Variants in PHACTR1 observed in about 807,000 individuals in gnomAD.
The protein encoded by PHACTR1 is RPEL repeat containing 1.
PHACTR1 carries 16 observed loss-of-function variants against 69.2 expected under a neutral mutation model. The observed-to-expected ratio is 0.23, with a 90% confidence interval of 0.16 to 0.35. The LOEUF is 0.35. Among genes scored for constraint, PHACTR1 ranks in the 10% least tolerant of loss-of-function variants. PHACTR1 has a pLI of 1.00. For synonymous variants in PHACTR1, 312 were observed against 284.5 expected (o/e 1.10, Z -0.97); for missense variants, 510 against 734.7 (o/e 0.69, Z 3.54).
At chr6:13,200,790 A>C (rs116384307) in intron 7 of PHACTR1, among the ~76,000 whole-genome samples, 4,293 of 151,702 alleles carry the variant, frequency 0.028, 211 homozygotes, top group African/African-American at 0.096. Flanking sequence ...AAAAAAAAAA[A>C]ATTAGCCAGG....
At chr6:12,740,595 C>A (rs1213075940) in intron 3 of PHACTR1, among the ~76,000 whole-genome samples, 1 of 152,016 alleles carries the variant, frequency 6.6e-6, no homozygotes. Context: ...GTTGAGCTAT[C>A]TTTTTGTTGC....
chr6:13,045,810 C>T (rs1804929516), intron 4 of PHACTR1, among the ~76,000 whole-genome samples: 1 of 152,204 alleles, frequency 6.6e-6, no homozygotes, highest in African/African-American at 2.4e-5. Context: ...ATGATGAAAG[C>T]ATCCCTAGGA....
At chr6:12,835,964 C>CAGGGAAGAAGAGAGAAAGA in intron 4 of PHACTR1, among the ~76,000 whole-genome samples, 1 of 151,442 alleles carries the variant, frequency 6.6e-6, no homozygotes, top group Non-Finnish European at 1.5e-5. Flanking sequence ...TTTTTTGAAA[C>CAGGGAAGAAGAGAGAAAGA]AAAAATAAAA....
rs184585588 is a variant in PHACTR1, at chr6:12,858,087, A to G, written c.250+108297A>G. Among the ~76,000 whole-genome samples, 141 of 152,324 alleles carry G rather than the reference A, an allele frequency of 9.3e-4. 1 individual carries two copies. Among genetic ancestry groups the G allele is most frequent in the Middle Eastern group, 6.8e-3 (2 of 294 alleles). On this transcript the variant is annotated intron_variant, in intron 4 of 14. Transcript: ENST00000332995. ...AACAGATATGCAATCTCCCTGCAACATGAAAGTTAAAATAATGTAAATTGC... is the reference window on the plus strand; with the variant it reads ...AACAGATATGCAATCTCCCTGCAACGTGAAAGTTAAAATAATGTAAATTGC...
intron 5 of PHACTR1, among the ~76,000 whole-genome samples, chr6:13,122,843 T>C (rs1259246255): frequency 1.3e-5 from 2 of 152,208 alleles, no homozygotes; most frequent in African/African-American, 2.4e-5. Flanking sequence ...AGTCACTGTC[T>C]TTAGTTCTTT....
chr6:13,071,485 T>G (rs1013688244), intron 5 of PHACTR1, among the ~76,000 whole-genome samples: 1 of 151,672 alleles, frequency 6.6e-6, no homozygotes, highest in Non-Finnish European at 1.5e-5. Context: ...CTGACCTGAG[T>G]TAGGAGGATG....
At chr6:12,915,152 C>CCA (rs898661270) in intron 4 of PHACTR1, among the ~76,000 whole-genome samples, 1 of 151,684 alleles carries the variant, frequency 6.6e-6, no homozygotes, top group Non-Finnish European at 1.5e-5. Flanking sequence ...CTTTGGATGT[C>CCA]CACACACACA....
rs137975176 is a variant in PHACTR1 at position 12,988,280 on chromosome 6, A to G, written c.251-65085A>G. Among the ~76,000 whole-genome samples the G allele has an allele frequency of 2.6e-5, 4 of 152,380 alleles. No individual in the cohort carries two copies. The East Asian group carries it at 7.7e-4, about 29-fold the overall frequency. ...AGCAATTACAAGTTAAATAGTCTTC[A>G]TCCAGACTGATTGCTGGAGCTGACC... is the stretch of plus-strand genomic sequence containing the variant. On this transcript the variant is annotated intron_variant, in intron 4 of 14. Transcript: ENST00000332995.
At chr6:12,954,461 G>A (rs1791645601) in intron 4 of PHACTR1, among the ~76,000 whole-genome samples, 1 of 151,914 alleles carries the variant, frequency 6.6e-6, no homozygotes, top group Non-Finnish European at 1.5e-5. Flanking sequence ...GATAGTTTGG[G>A]TACTGGCTGA....
At chr6:13,016,771 G>A (rs1800237340) in intron 4 of PHACTR1, among the ~76,000 whole-genome samples, 1 of 152,044 alleles carries the variant, frequency 6.6e-6, no homozygotes, top group Non-Finnish European at 1.5e-5. Context: ...GTTTCCTTCC[G>A]TCTTTGCTGT....
At position 12,959,196 on chromosome 6, in the gene PHACTR1, GAAAAGAAAAAA is replaced by G. The variant is rs1304305030; in HGVS notation, c.251-94159_251-94149del. 1.8e-4 allele frequency among the ~76,000 whole-genome samples: 14 copies of G among 77,854 alleles called. 1 individual carries two copies. The highest frequency in any genetic ancestry group is 4.5e-4 in the African/African-American group (8 of 17,628). The allele number at this position is 77,854 out of a possible 152,430, so 51.1% of individuals were successfully genotyped here. On this transcript the variant is annotated intron_variant, in intron 4 of 14. Coordinates refer to ENST00000332995, the MANE Select transcript of PHACTR1 (RefSeq NM_030948.6). ...TATCTCAAAAAAAAAAAAAAAAAAA[GAAAAGAAAAAA>G]AAAAGAAAAGAAAACAGAAACAACT... is the stretch of plus-strand genomic sequence containing the variant.
chr6:13,193,411 C>T (rs902109572), intron 7 of PHACTR1, among the ~76,000 whole-genome samples: 1 of 106,354 alleles, frequency 9.4e-6, no homozygotes, highest in South Asian at 2.7e-4. Flanking sequence ...TGTTGAGATG[C>T]GGTCTCACTA....
At chr6:13,002,775 A>T (rs1032382421) in intron 4 of PHACTR1, among the ~76,000 whole-genome samples, 1 of 152,202 alleles carries the variant, frequency 6.6e-6, no homozygotes, top group Non-Finnish European at 1.5e-5. Context: ...TGAATATGCA[A>T]ATATGATAAT....
intron 5 of PHACTR1, among the ~76,000 whole-genome samples, chr6:13,105,425 C>A (rs971202679): frequency 2.6e-5 from 4 of 151,982 alleles, no homozygotes; most frequent in African/African-American, 9.7e-5. Context: ...GGAAGTATGC[C>A]TATTAAATGG....
chr6:12,858,657 A>C (rs532037106), intron 4 of PHACTR1, among the ~76,000 whole-genome samples: 7 of 152,066 alleles, frequency 4.6e-5, no homozygotes, highest in East Asian at 1.9e-4. Flanking sequence ...ATTGCAGGAC[A>C]TGGTGGTGTG....
At chr6:13,254,444 A>C (rs970219503) in intron 10 of PHACTR1, among the ~76,000 whole-genome samples, 6 of 152,242 alleles carry the variant, frequency 3.9e-5, no homozygotes, top group African/African-American at 1.4e-4. Context: ...TGCAAAGGTC[A>C]TCTAATCTGA....
At chr6:13,271,008 T>C (rs1281973124) in intron 10 of PHACTR1, among the ~76,000 whole-genome samples, 1 of 142,314 alleles carries the variant, frequency 7.0e-6, no homozygotes, top group African/African-American at 2.6e-5. Flanking sequence ...ACATGCTTTT[T>C]TTTTTTCTTT....
intron 5 of PHACTR1, among the ~76,000 whole-genome samples, chr6:13,155,177 C>T (rs936925143): frequency 4.6e-5 from 7 of 152,202 alleles, no homozygotes; most frequent in Non-Finnish European, 8.8e-5. Context: ...ATCTACTGTT[C>T]TTTGTGCAAG....
chr6:12,866,688 G>A (rs1301298123), intron 4 of PHACTR1, among the ~76,000 whole-genome samples: 1 of 152,150 alleles, frequency 6.6e-6, no homozygotes, highest in Non-Finnish European at 1.5e-5. Context: ...GCTCTGCAGG[G>A]TGCCCAGCTT....
Sources: gnomAD v4.1 joint callset for allele counts (sites outside exome capture counted in the v4.1 genomes callset) on GRCh38, gnomAD v4.1.1 for gene constraint, MANE v1.5 for transcripts, NCBI Gene and HGNC (gene_info 2026-07-23, HGNC 2026-07-21) for gene names.